SLC10A7: variants seen among roughly 807,000 people sequenced by gnomAD.
SLC10A7 encodes sodium/bile acid cotransporter 7.
A neutral mutation model predicts 43.2 loss-of-function variants in SLC10A7; 29 were observed. The observed-to-expected ratio is 0.67, with a 90% confidence interval of 0.50 to 0.92. The LOEUF (loss-of-function observed/expected upper bound fraction) is 0.92, where lower values mean the gene tolerates loss of function less well. Among genes scored for constraint, SLC10A7 ranks in the 40% least tolerant of loss-of-function variants. SLC10A7 has a pLI of 0.00. For synonymous variants in SLC10A7, 152 were observed against 144.8 expected (o/e 1.05, Z -0.35); for missense variants, 295 against 403.2 (o/e 0.73, Z 2.30).
chr4:146,335,007 G>T (rs1335765308), intron 5 of SLC10A7, among the ~76,000 whole-genome samples: 1 of 151,858 alleles, frequency 6.6e-6, no homozygotes, highest in Non-Finnish European at 1.5e-5. Flanking sequence ...TGACAAGTCG[G>T]CCTGCCACAC....
intron 9 of SLC10A7, among the ~76,000 whole-genome samples, chr4:146,289,935 T>G (rs1730304379): frequency 6.7e-6 from 1 of 149,996 alleles, no homozygotes; most frequent in African/African-American, 2.4e-5. Context: ...TGGCTGGTTT[T>G]GAACTCCTGA....
intron 5 of SLC10A7, among the ~76,000 whole-genome samples, chr4:146,380,672 T>C (rs1737550422): frequency 6.6e-6 from 1 of 152,278 alleles, no homozygotes; most frequent in Non-Finnish European, 1.5e-5. Context: ...ATTGAGACTT[T>C]CTGAAATGAA....
At chr4:146,395,885 C>T (rs923568294) in intron 5 of SLC10A7, among the ~76,000 whole-genome samples, 3 of 152,224 alleles carry the variant, frequency 2.0e-5, no homozygotes, top group African/African-American at 7.2e-5. Flanking sequence ...AGTTTGAACT[C>T]TATAGAACTT....
intron 9 of SLC10A7, among the ~76,000 whole-genome samples, chr4:146,284,980 T>C (rs1430810056): frequency 1.3e-5 from 2 of 152,130 alleles, no homozygotes; most frequent in African/African-American, 2.4e-5. Context: ...AGAGCACAAA[T>C]AACCTTCTGG....
chr4:146,363,206 G>A lies in SLC10A7; in HGVS notation c.436-37210C>T, dbSNP rs561598999. 5.3e-5 allele frequency among the ~76,000 whole-genome samples: 8 copies of A among 152,198 alleles called. No individual in the cohort carries two copies. In the East Asian group the frequency reaches 1.2e-3, roughly 22 times the overall value. On this transcript the variant is annotated intron_variant, in intron 5 of 11. Transcript: ENST00000335472. ...TGCAAATGTAAATGAATAAAGAGCA[G>A]GAGTAACTATACTTTTATCAGTTAA...
chr4:146,348,613 A>T (rs984073023), intron 5 of SLC10A7, among the ~76,000 whole-genome samples: 8 of 152,208 alleles, frequency 5.3e-5, no homozygotes, highest in Non-Finnish European at 7.4e-5. Context: ...TCATGTTTTC[A>T]GAAAGCATAC....
chr4:146,402,918 T>A (rs1360895387), intron 5 of SLC10A7, among the ~76,000 whole-genome samples: 2 of 152,210 alleles, frequency 1.3e-5, no homozygotes, highest in Non-Finnish European at 2.9e-5. Context: ...AGAGCCAGAT[T>A]GTCTGAATTC....
Position 146,432,489 on chromosome 4 carries a change from G to T in SLC10A7, c.435+10294C>A, listed in dbSNP as rs183893804. On this transcript the variant is annotated intron_variant, in intron 5 of 11. Coordinates refer to ENST00000335472, the MANE Select transcript of SLC10A7 (RefSeq NM_001029998.6). ...AAGTGTATTCTAAGTGATAGACACC[G>T]TACTCAAAAAGCATATACCGTGTGA... Among the ~76,000 whole-genome samples the T allele has an allele frequency of 4.6e-5, 7 of 152,136 alleles. No homozygotes were observed. In the South Asian group the frequency reaches 8.3e-4, roughly 18 times the overall value.
intron 11 of SLC10A7, 137 bp from the exon 12 acceptor site, chr4:146,256,657 A>G: frequency 9.2e-7 from 1 of 1,084,966 alleles, no homozygotes; most frequent in Non-Finnish European, 1.4e-6. Context: ...CAATAATCCA[A>G]ACCTCTGGAT....
chr4:146,490,535 A>T (rs577387858), intron 4 of SLC10A7, among the ~76,000 whole-genome samples: 4 of 152,166 alleles, frequency 2.6e-5, no homozygotes, highest in Non-Finnish European at 4.4e-5. Flanking sequence ...TGGTTTGCCT[A>T]TTTGAGAAGG....
chr4:146,478,826 AGCTTTAGAAATAAAAATAAAACACTGAT>A (rs1346856880), intron 4 of SLC10A7, among the ~76,000 whole-genome samples: 8 of 152,196 alleles, frequency 5.3e-5, no homozygotes, highest in African/African-American at 1.7e-4. Context: ...AAATGATATG[AGCTTTAGAAATAAAAATAAAACACTGAT>A]GTCAAGGACA....
At chr4:146,345,883 A>C (rs1734588949) in intron 5 of SLC10A7, among the ~76,000 whole-genome samples, 1 of 152,128 alleles carries the variant, frequency 6.6e-6, no homozygotes, top group Non-Finnish European at 1.5e-5. Context: ...CTGTTCTTGC[A>C]CTTTGCAAGT....
chr4:146,275,449 G>C (rs1214257234), intron 10 of SLC10A7, among the ~76,000 whole-genome samples: 1 of 152,134 alleles, frequency 6.6e-6, no homozygotes, highest in Non-Finnish European at 1.5e-5. Context: ...GCTTAGCATG[G>C]TGGCTAATAG....
At chr4:146,318,924 T>A (rs1732506525) in intron 6 of SLC10A7, among the ~76,000 whole-genome samples, 1 of 152,024 alleles carries the variant, frequency 6.6e-6, no homozygotes, top group Non-Finnish European at 1.5e-5. Flanking sequence ...CTATCTCCTA[T>A]CAGATTTACT....
chr4:146,334,685 G>T (rs549818516), intron 5 of SLC10A7, among the ~76,000 whole-genome samples: 1 of 152,206 alleles, frequency 6.6e-6, no homozygotes, highest in South Asian at 2.1e-4. Flanking sequence ...CAGCAGGGAA[G>T]GAGCCCTAGC....
At chr4:146,349,335 G>T (rs1214394860) in intron 5 of SLC10A7, among the ~76,000 whole-genome samples, 1 of 152,108 alleles carries the variant, frequency 6.6e-6, no homozygotes, top group Non-Finnish European at 1.5e-5. Flanking sequence ...CAGTCAGAAT[G>T]GCTATTATTA....
intron 5 of SLC10A7, among the ~76,000 whole-genome samples, chr4:146,406,498 G>T (rs528708622): frequency 6.6e-6 from 1 of 152,254 alleles, no homozygotes; most frequent in South Asian, 2.1e-4. Flanking sequence ...TTGGTACTTT[G>T]CATGGGAAAG....
intron 6 of SLC10A7, among the ~76,000 whole-genome samples, chr4:146,325,089 A>G (rs1255820054): frequency 6.6e-6 from 1 of 152,228 alleles, no homozygotes; most frequent in African/African-American, 2.4e-5. Flanking sequence ...TTATACTACA[A>G]TTAAATAAAT....
chr4:146,275,294 A>G (rs1309088160), intron 10 of SLC10A7, among the ~76,000 whole-genome samples: 2 of 152,338 alleles, frequency 1.3e-5, no homozygotes, highest in East Asian at 3.9e-4. Flanking sequence ...AAAGCTACAT[A>G]CTTAAGCCCT....
Sources: allele counts gnomAD v4.1 joint callset (sites outside exome capture counted in the v4.1 genomes callset), GRCh38; gene constraint gnomAD v4.1.1; transcripts MANE v1.5; gene names NCBI Gene and HGNC (gene_info 2026-07-23, HGNC 2026-07-21).